The following PAK1 variants were observed in gnomAD, a reference collection of about 807,000 sequenced individuals.
The protein encoded by PAK1 is serine/threonine-protein kinase PAK 1.
Under a neutral mutation model 67.4 loss-of-function variants are expected in PAK1, and 29 were observed. That is an observed-to-expected ratio of 0.43 (90% CI 0.32 to 0.59). The LOEUF (loss-of-function observed/expected upper bound fraction) is 0.59. PAK1 is among the 20% of genes least tolerant of loss of function. The pLI, the probability that PAK1 is intolerant of heterozygous loss-of-function variation, is 0.07. For synonymous variants in PAK1, 223 were observed against 237.4 expected (o/e 0.94, Z 0.56); for missense variants, 337 against 670.7 (o/e 0.50, Z 5.50).
chr11:77,525,114 G>A, the PAK1 span, among the ~76,000 whole-genome samples: 9 of 151,906 alleles, frequency 5.9e-5, 1 homozygote, highest in Middle Eastern at 0.01. Context: ...GGAGGTCGAG[G>A]TGGGCAGGTT....
chr11:77,438,823 C>CTA (rs1183197681), intron 1 of PAK1, among the ~76,000 whole-genome samples: 1 of 152,120 alleles, frequency 6.6e-6, no homozygotes, highest in Non-Finnish European at 1.5e-5. Context: ...TTAAAATAGA[C>CTA]TATATGATCA....
At chr11:77,379,863 A>G (rs1949592087) in intron 3 of PAK1, 31 bp downstream of exon 3, 10 of 1,437,860 alleles carry the variant, frequency 7.0e-6, no homozygotes, top group African/African-American at 1.4e-5. Context: ...ACTCTAAAAG[A>G]CTAAAGACCT....
Position 77,334,036 on chromosome 11 carries a change from G to A in PAK1, c.1414-1169C>T, listed in dbSNP as rs190631300. ...ATACAAAACTTAGCTGGGCATGGTG[G>A]CAGGTGCCTGTAATCCCAGCTACTC... is the stretch of plus-strand genomic sequence containing the variant. On this transcript the variant is annotated intron_variant, in intron 13 of 14. Coordinates refer to ENST00000356341, the MANE Select transcript of PAK1 (RefSeq NM_002576.5). Among the ~76,000 whole-genome samples the A allele has an allele frequency of 1.8e-3, 273 of 151,986 alleles. 3 individuals are homozygous for A. Among genetic ancestry groups the A allele is most frequent in the African/African-American group, 6.4e-3 (266 of 41,418 alleles).
intron 4 of PAK1, among the ~76,000 whole-genome samples, chr11:77,375,881 C>T (rs980303254): frequency 6.6e-6 from 1 of 152,098 alleles, no homozygotes; most frequent in African/African-American, 2.4e-5. Context: ...AATTCCAATT[C>T]CATCATGTAA....
the PAK1 span, among the ~76,000 whole-genome samples, chr11:77,485,473 T>TA: frequency 0.31 from 46,781 of 151,470 alleles, 8,260 homozygotes; most frequent in South Asian, 0.51. Flanking sequence ...AATTTTAAAA[T>TA]AAAAAAAAAT....
chr11:77,499,120 A>T, the PAK1 span, among the ~76,000 whole-genome samples: 1 of 146,906 alleles, frequency 6.8e-6, no homozygotes, highest in Non-Finnish European at 1.5e-5. Flanking sequence ...TTAATGAGTG[A>T]TACCCACTCA....
intron 1 of PAK1, among the ~76,000 whole-genome samples, chr11:77,462,179 A>G (rs1957378844): frequency 6.6e-6 from 1 of 152,060 alleles, no homozygotes; most frequent in African/African-American, 2.4e-5. Flanking sequence ...ACAAAAAAAA[A>G]AATTAGCCAG....
At position 77,353,533 on chromosome 11, in the gene PAK1, A is replaced by G. The variant is rs1363090237; in HGVS notation, c.836+3T>C. ...TCCAGGGAAAGAAAATGCCCCTACT[A>G]ACCCTTGTCCAATCTTCTCAAACCG... On this transcript the variant is annotated splice_donor_region_variant and intron_variant, in intron 8 of 14. Coordinates refer to ENST00000356341, the MANE Select transcript of PAK1 (RefSeq NM_002576.5). The G allele has an allele frequency of 1.5e-5, 24 of 1,600,086 alleles. No individual in the cohort carries two copies. Among genetic ancestry groups the G allele is most frequent in the Non-Finnish European group, 2.0e-5 (23 of 1,167,562 alleles).
intron 5 of PAK1, among the ~76,000 whole-genome samples, chr11:77,370,026 C>T (rs1948212196): frequency 2.6e-5 from 4 of 152,108 alleles, no homozygotes; most frequent in Non-Finnish European, 1.5e-5. Flanking sequence ...ATGTAATTAG[C>T]ATTAGTTTTT....
chr11:77,493,827 G>A, the PAK1 span, among the ~76,000 whole-genome samples: 1 of 152,144 alleles, frequency 6.6e-6, no homozygotes, highest in Non-Finnish European at 1.5e-5. Flanking sequence ...TCACGATTAG[G>A]TATAGTAGAA....
In PAK1 at chr11:77,457,030, C is replaced by T. The variant is rs564982261; in HGVS notation, c.-22+16522G>A. Among the ~76,000 whole-genome samples, 22 of 152,218 alleles carry T rather than the reference C, an allele frequency of 1.4e-4. No individual in the cohort carries two copies. In the South Asian group the frequency reaches 2.5e-3, roughly 17 times the overall value. On this transcript the variant is annotated intron_variant, in intron 1 of 14. Transcript: ENST00000356341. ...TGCTGGGATTACAGGCATGAACTGC[C>T]GCACCCAGCCAAAGCAGGTACTATT...
At chr11:77,518,245 T>C in the PAK1 span, among the ~76,000 whole-genome samples, 1 of 152,200 alleles carries the variant, frequency 6.6e-6, no homozygotes, top group Admixed American at 6.5e-5. Flanking sequence ...TATAAATTAA[T>C]TTGAATACTT....
At chr11:77,325,973 A>G (rs1238878576) in intron 14 of PAK1, among the ~76,000 whole-genome samples, 1 of 152,200 alleles carries the variant, frequency 6.6e-6, no homozygotes, top group African/African-American at 2.4e-5. Context: ...TCCAATAGGA[A>G]AGAGATTCAT....
At chr11:77,366,287 G>A (rs1291631602) in intron 5 of PAK1, among the ~76,000 whole-genome samples, 1 of 152,090 alleles carries the variant, frequency 6.6e-6, no homozygotes, top group Non-Finnish European at 1.5e-5. Flanking sequence ...CAGAGGAAAC[G>A]GTAAATATGT....
At position 77,322,634 on chromosome 11, in the gene PAK1, A is replaced by G. The variant is rs1001559512; in HGVS notation, c.*640T>C. On this transcript the variant is annotated 3_prime_UTR_variant, in exon 15 of 15. Coordinates refer to ENST00000356341, the MANE Select transcript of PAK1 (RefSeq NM_002576.5). ...GCTACATAGCCGAGAGCATTTCACA[A>G]GAAACAGCATGGGAACACTATTGGG... is the stretch of plus-strand genomic sequence containing the variant. The G allele has an allele frequency of 4.6e-4, 102 of 220,750 alleles. 1 individual carries two copies. The highest frequency in any genetic ancestry group is 2.0e-4 in the Non-Finnish European group (22 of 108,336). The allele number at this position is 220,750 out of a possible 1,614,324, so 13.7% of individuals were successfully genotyped here.
intron 2 of PAK1, among the ~76,000 whole-genome samples, chr11:77,384,388 T>G (rs1319201949): frequency 6.6e-6 from 1 of 152,192 alleles, no homozygotes; most frequent in Non-Finnish European, 1.5e-5. Flanking sequence ...GTTGCAAATT[T>G]TTTATGATGA....
At chr11:77,355,960 T>C (rs144510241) in intron 6 of PAK1, 118 bp from the exon 7 acceptor site, 1 of 658,294 alleles carries the variant, frequency 1.5e-6, no homozygotes, top group Non-Finnish European at 2.7e-6. Flanking sequence ...TCCTTTCTCT[T>C]ATGTCAAAAT....
chr11:77,386,084 C>T (rs562440117), intron 2 of PAK1, among the ~76,000 whole-genome samples: 97 of 152,276 alleles, frequency 6.4e-4, no homozygotes, highest in African/African-American at 2.2e-3. Context: ...CTTCCAACCT[C>T]ACCCATCCCA....
chr11:77,482,005 T>C, the PAK1 span, among the ~76,000 whole-genome samples: 1 of 152,198 alleles, frequency 6.6e-6, no homozygotes, highest in Admixed American at 6.5e-5. Context: ...TTCTTTTTTT[T>C]TGAGATGGAG....
Sources: gnomAD v4.1 joint callset for allele counts (sites outside exome capture counted in the v4.1 genomes callset) on GRCh38, gnomAD v4.1.1 for gene constraint, MANE v1.5 for transcripts, NCBI Gene and HGNC (gene_info 2026-07-23, HGNC 2026-07-21) for gene names.